FOXO1: variants seen among roughly 807,000 people sequenced by gnomAD.
FOXO1 encodes the protein forkhead box protein O1.
A neutral mutation model predicts 44.1 loss-of-function variants in FOXO1; 6 were observed. That is an observed-to-expected ratio of 0.14 (90% CI 0.07 to 0.27). FOXO1 has a LOEUF of 0.27. Ranked by LOEUF, FOXO1 falls within the 10% of genes least tolerant of loss-of-function variation. The pLI, the probability that FOXO1 is intolerant of heterozygous loss-of-function variation, is 1.00. For synonymous variants in FOXO1, 380 were observed against 362.7 expected (o/e 1.05, Z -0.54); for missense variants, 737 against 888.8 (o/e 0.83, Z 2.17).
Position 40,620,450 on chromosome 13 carries a change from A to C in FOXO1, c.630+45133T>G, listed in dbSNP as rs557583461. On this transcript the variant is annotated intron_variant, in intron 1 of 2. Transcript: ENST00000379561. ...AGAACGAGCTTGTTGAGCCATCATCAGTGGCTCTTCGGTCAATCTTAAGGC... is the reference window on the plus strand; with the variant it reads ...AGAACGAGCTTGTTGAGCCATCATCCGTGGCTCTTCGGTCAATCTTAAGGC... The C allele has an allele frequency of 2.7e-5, 17 of 639,506 alleles. No individual in the cohort carries two copies. In the East Asian group the frequency reaches 5.9e-4, roughly 22 times the overall value. 39.6% of individuals were successfully genotyped at this position (639,506 alleles called of 1,614,324 possible).
intron 1 of FOXO1, among the ~76,000 whole-genome samples, chr13:40,664,284 G>A (rs985830829): frequency 6.6e-6 from 1 of 152,162 alleles, no homozygotes; most frequent in Non-Finnish European, 1.5e-5. Context: ...AGGAGGGGAG[G>A]GAGGTGTTTA....
intron 1 of FOXO1, among the ~76,000 whole-genome samples, chr13:40,645,393 TC>T (rs774481835): frequency 6.6e-6 from 1 of 152,188 alleles, no homozygotes; most frequent in Non-Finnish European, 1.5e-5. Flanking sequence ...TTTAGCTCAC[TC>T]CCCTAAGTCA....
intron 1 of FOXO1, among the ~76,000 whole-genome samples, chr13:40,594,060 G>T (rs1875486931): frequency 6.6e-6 from 1 of 152,112 alleles, no homozygotes; most frequent in Non-Finnish European, 1.5e-5. Flanking sequence ...TGGGGCAGTG[G>T]GGAGGTCATA....
In FOXO1 at chr13:40,629,783, T is replaced by C. The variant is rs1033040582; in HGVS notation, c.630+35800A>G. Among the ~76,000 whole-genome samples, 28 of 152,150 alleles carry C rather than the reference T, an allele frequency of 1.8e-4. 1 individual carries two copies. Among genetic ancestry groups the C allele is most frequent in the Admixed American group, 1.2e-3 (19 of 15,282 alleles). ...GCCCTTGCTTCACATGCTCAGTGGG[T>C]TGTGGGCTTCGGCTAAAACCTGGGA... On this transcript the variant is annotated intron_variant, in intron 1 of 2. Coordinates refer to ENST00000379561, the MANE Select transcript of FOXO1 (RefSeq NM_002015.4).
chr13:40,597,826 T>TG (rs1875639662), intron 1 of FOXO1, among the ~76,000 whole-genome samples: 1 of 152,020 alleles, frequency 6.6e-6, no homozygotes, highest in Admixed American at 6.6e-5. Flanking sequence ...GGATTAGAGG[T>TG]GTGCTTCAAA....
chr13:40,644,481 A>C (rs1877451619), intron 1 of FOXO1, among the ~76,000 whole-genome samples: 1 of 152,212 alleles, frequency 6.6e-6, no homozygotes, highest in South Asian at 2.1e-4. Flanking sequence ...CCAGAGATAG[A>C]GTAAAAGCCA....
chr13:40,566,379 A>ATT (rs372577431), intron 1 of FOXO1, among the ~76,000 whole-genome samples: 32 of 142,158 alleles, frequency 2.3e-4, no homozygotes, highest in East Asian at 6.2e-4. Context: ...ATTGACTTTC[A>ATT]TTTTTTTTTT....
chr13:40,628,243 G>A (rs563373952), intron 1 of FOXO1, among the ~76,000 whole-genome samples: 130 of 152,046 alleles, frequency 8.6e-4, no homozygotes, highest in Admixed American at 1.8e-3. Flanking sequence ...GATGAATAAT[G>A]TTCGTTCTCG....
At chr13:40,562,403 G>C (rs1874068703) in intron 1 of FOXO1, among the ~76,000 whole-genome samples, 1 of 152,162 alleles carries the variant, frequency 6.6e-6, no homozygotes, top group African/African-American at 2.4e-5. Flanking sequence ...GGGTGGCTCT[G>C]CTACTTACTT....
rs377399089 is a variant in FOXO1, at chr13:40,558,658, T to C, written c.*391A>G. On this transcript the variant is annotated 3_prime_UTR_variant, in exon 3 of 3. Transcript: ENST00000379561. ...AGAGTATAAACTTTCCTTGGACCAATTGGATATTTAGAAAAACCAAAAACA... is the reference window on the plus strand; with the variant it reads ...AGAGTATAAACTTTCCTTGGACCAACTGGATATTTAGAAAAACCAAAAACA... The C allele has an allele frequency of 6.5e-4, 255 of 395,076 alleles. 1 individual carries two copies. The highest frequency in any genetic ancestry group is 9.9e-4 in the African/African-American group (48 of 48,692). The allele number at this position is 395,076 out of a possible 1,614,324, so 24.5% of individuals were successfully genotyped here. A position where few individuals can be genotyped will look rare whatever the true frequency, so the allele number is the denominator to read the frequency against.
In FOXO1 at chr13:40,560,253, C is replaced by T. The variant is rs781334894; in HGVS notation, c.1238G>A (p.Ser413Asn). The stretch of plus-strand genomic sequence containing the variant: ...GTAGTTTGGGCTGGGTGAATTCAAA[C>T]TGGTGTTTGGTGGCGCAAACGAGTA... The part of the protein sequence containing the change: ...PCYSFAPPNT[S>N]LNSPSPNYQK... Residue 413 changes from serine (S) to asparagine (N), a missense_variant, in exon 2 of 3, where the codon AGT becomes AAT. By Grantham distance (46) the Ser-to-Asn change is conservative. Coordinates refer to ENST00000379561, the MANE Select transcript of FOXO1 (RefSeq NM_002015.4). This position sits in a 1 kb window ranked among gnomAD's most constrained non-coding sequence, Gnocchi z 5.1. 1 of 1,614,184 alleles carries T rather than the reference C, an allele frequency of 6.2e-7. No individual in the cohort carries two copies. The highest frequency in any genetic ancestry group is 1.1e-5 in the South Asian group (1 of 91,072).
At chr13:40,661,585 C>A (rs922260608) in intron 1 of FOXO1, among the ~76,000 whole-genome samples, 3 of 151,796 alleles carry the variant, frequency 2.0e-5, no homozygotes, top group African/African-American at 7.2e-5. Flanking sequence ...GTGTGCGCCA[C>A]CACGCCCAGC....
chr13:40,585,343 G>GCGCGCGCGCGCACACA (rs10623475), intron 1 of FOXO1, among the ~76,000 whole-genome samples: 4 of 147,020 alleles, frequency 2.7e-5, no homozygotes, highest in African/African-American at 1.0e-4. Flanking sequence ...CTGCGCGCGC[G>GCGCGCGCGCGCACACA]CACACACACA....
intron 1 of FOXO1, chr13:40,618,726 A>G (rs1876506564): frequency 2.6e-5 from 11 of 416,628 alleles, no homozygotes; most frequent in South Asian, 2.2e-4. Context: ...TAAGAAAGCC[A>G]GGAATCTCAG....
intron 1 of FOXO1, among the ~76,000 whole-genome samples, chr13:40,659,368 G>A (rs7324319): frequency 6.7e-6 from 1 of 149,246 alleles, no homozygotes; most frequent in Non-Finnish European, 1.5e-5. Context: ...ACACACACAC[G>A]CCCAACTCTC....
At chr13:40,574,858 A>G (rs1247818125) in intron 1 of FOXO1, among the ~76,000 whole-genome samples, 1 of 152,190 alleles carries the variant, frequency 6.6e-6, no homozygotes, top group African/African-American at 2.4e-5. Flanking sequence ...ATCATTTAAA[A>G]AATCTATCAC....
Position 40,560,779 on chromosome 13 carries a change from T to A in FOXO1, c.712A>T (p.Met238Leu), listed in dbSNP as rs1466429792. 6.2e-7 allele frequency: 1 copy of A among 1,614,170 alleles called. No homozygotes were observed. The highest frequency in any genetic ancestry group is 8.5e-7 in the Non-Finnish European group (1 of 1,180,022). ...NEGTGKSSWW[M>L]LNPEGGKSGK... Reference sequence around the variant, plus strand: ...CTCTTGCCACCCTCTGGATTGAGCATCCACCAAGAACTTTTTCCAGTTCCT... The same window carrying A: ...CTCTTGCCACCCTCTGGATTGAGCAACCACCAAGAACTTTTTCCAGTTCCT... Residue 238 changes from methionine to leucine, a missense_variant, in exon 2 of 3, where the codon ATG (methionine) becomes TTG (leucine). Physicochemically the swap from Met to Leu is conservative, Grantham distance 15 (BLOSUM62 2). Transcript: ENST00000379561. This position sits in a 1 kb window ranked among gnomAD's most constrained non-coding sequence, Gnocchi z 5.1.
chr13:40,587,778 A>T (rs1566068469), intron 1 of FOXO1, among the ~76,000 whole-genome samples: 1 of 152,202 alleles, frequency 6.6e-6, no homozygotes, highest in Non-Finnish European at 1.5e-5. Flanking sequence ...TCTTCACTTA[A>T]TGAGACATTA....
chr13:40,653,674 G>T (rs911533378), intron 1 of FOXO1, among the ~76,000 whole-genome samples: 17 of 152,166 alleles, frequency 1.1e-4, no homozygotes, highest in Middle Eastern at 3.2e-3. Flanking sequence ...TTTTACTGCA[G>T]TTACAAAATA....
Sources: gnomAD v4.1 joint callset for allele counts (sites outside exome capture counted in the v4.1 genomes callset) on GRCh38, gnomAD v4.1.1 for gene constraint, Gnocchi (gnomAD v3.1) non-coding constraint, MANE v1.5 for transcripts, NCBI Gene and HGNC (gene_info 2026-07-23, HGNC 2026-07-21) for gene names.